Variants in ROBO2 observed in about 807,000 individuals in gnomAD.
ROBO2 encodes the protein roundabout homolog 2.
A neutral mutation model predicts 160.8 loss-of-function variants in ROBO2; 53 were observed. The observed-to-expected ratio is 0.33, with a 90% CI of 0.26 to 0.41. The LOEUF (loss-of-function observed/expected upper bound fraction) is 0.41, where lower values mean the gene tolerates loss of function less well. Ranked by LOEUF, ROBO2 falls within the 10% of genes least tolerant of loss-of-function variation. ROBO2 has a pLI of 1.00. For synonymous variants in ROBO2, 664 were observed against 611.7 expected (o/e 1.09, Z -1.26); for missense variants, 1,577 against 1,722.4 (o/e 0.92, Z 1.49).
Position 77,200,321 on chromosome 3 carries a change from A to ATTTT in ROBO2, c.388+101982_388+101985dup, listed in dbSNP as rs201851831. Among the ~76,000 whole-genome samples, 16 of 54,908 alleles carry ATTTT rather than the reference A, an allele frequency of 2.9e-4. No homozygotes were observed. The South Asian group carries it at 4.3e-3, about 15-fold the overall frequency. 36.0% of individuals were successfully genotyped at this position (54,908 alleles called of 152,430 possible). A position where few individuals can be genotyped will look rare whatever the true frequency, so the allele number is the denominator to read the frequency against. On this transcript the variant is annotated intron_variant, in intron 2 of 25. Coordinates refer to ENST00000461745, the Ensembl canonical transcript of ROBO2. ...TATATATATATATATATATATATAT[A>ATTTT]TTTTAGTTTCTATAGGTAAAGGGAA...
At chr3:77,005,546 T>A (rs1291581864) in intron 2 of ROBO2, among the ~76,000 whole-genome samples, 2 of 152,178 alleles carry the variant, frequency 1.3e-5, no homozygotes, top group Non-Finnish European at 2.9e-5. Flanking sequence ...GAAGTTTTAT[T>A]TAAAGTGGTG....
rs575637934 is a variant in ROBO2 at position 76,558,187 on chromosome 3, G to A, written c.110-539827G>A. Among the ~76,000 whole-genome samples the A allele has an allele frequency of 1.6e-4, 25 of 152,094 alleles. No individual in the cohort carries two copies. The South Asian group carries it at 4.6e-3, about 28-fold the overall frequency. ...TTTGGCAAGTGGAATTCATATTCCCGTGTGAACTGAAAATGATAAATAGTT... is the reference window on the plus strand; with the variant it reads ...TTTGGCAAGTGGAATTCATATTCCCATGTGAACTGAAAATGATAAATAGTT... On this transcript the variant is annotated intron_variant, in intron 2 of 26. Transcript: ENST00000487694.
intron 2 of ROBO2, among the ~76,000 whole-genome samples, chr3:76,525,642 AAG>A (rs1285726676): frequency 6.6e-6 from 1 of 151,996 alleles, no homozygotes; most frequent in Admixed American, 6.6e-5. Context: ...GCACTCAAAA[AAG>A]AGGTGCTTAA....
intron 2 of ROBO2, among the ~76,000 whole-genome samples, chr3:77,141,699 A>C (rs148227969): frequency 6.6e-6 from 1 of 152,340 alleles, no homozygotes; most frequent in Non-Finnish European, 1.5e-5. Context: ...GAGGAAGATT[A>C]AAAAGCAGTC....
At chr3:76,981,118 T>G (rs1269638360) in intron 2 of ROBO2, among the ~76,000 whole-genome samples, 1 of 152,232 alleles carries the variant, frequency 6.6e-6, no homozygotes, top group Non-Finnish European at 1.5e-5. Context: ...TTTGCACATT[T>G]AGACTATTAT....
At chr3:76,615,506 G>C (rs1219906638) in intron 2 of ROBO2, among the ~76,000 whole-genome samples, 5 of 152,096 alleles carry the variant, frequency 3.3e-5, no homozygotes, top group Admixed American at 1.3e-4. Flanking sequence ...TTGTTCTAAA[G>C]AAGTTTATGT....
At chr3:76,699,539 C>T (rs1006133542) in intron 2 of ROBO2, among the ~76,000 whole-genome samples, 7 of 152,132 alleles carry the variant, frequency 4.6e-5, no homozygotes, top group Admixed American at 6.6e-5. Context: ...CCTTCTAACC[C>T]GTGCCTTTGT....
Position 76,681,150 on chromosome 3 carries a change from CAATT to C in ROBO2, c.110-416860_110-416857del, listed in dbSNP as rs541631304. Among the ~76,000 whole-genome samples, 17 of 152,188 alleles carry C rather than the reference CAATT, an allele frequency of 1.1e-4. No individual in the cohort carries two copies. The South Asian group carries it at 3.3e-3, about 30-fold the overall frequency. ...AGTGAGCATATGAATACCACAAAGA[CAATT>C]AATCTAAAATCAAACTTTAATAAGA... On this transcript the variant is annotated intron_variant, in intron 2 of 26. Transcript: ENST00000487694.
chr3:76,037,559 C>T (rs1230994447), intron 2 of ROBO2, among the ~76,000 whole-genome samples: 1 of 151,924 alleles, frequency 6.6e-6, no homozygotes, highest in Non-Finnish European at 1.5e-5. Flanking sequence ...ACTATTTATG[C>T]ATTCTTCAAT....
Position 76,742,085 on chromosome 3 carries a change from A to G in ROBO2, c.110-355929A>G, listed in dbSNP as rs577680673. ...GTGAAAAATTTCATTATATACGAAGATTTGAATACCTTCATGAGAGTAGAA... is the reference window on the plus strand; with the variant it reads ...GTGAAAAATTTCATTATATACGAAGGTTTGAATACCTTCATGAGAGTAGAA... On this transcript the variant is annotated intron_variant, in intron 2 of 26. Coordinates refer to the ROBO2 transcript ENST00000487694. Among the ~76,000 whole-genome samples the G allele has an allele frequency of 2.6e-5, 4 of 152,246 alleles. No homozygotes were observed. The South Asian group carries it at 6.2e-4, about 24-fold the overall frequency.
chr3:77,244,105 A>G (rs574454883), intron 2 of ROBO2, among the ~76,000 whole-genome samples: 2 of 152,332 alleles, frequency 1.3e-5, no homozygotes, highest in South Asian at 2.1e-4. Flanking sequence ...GTAAGTGTTC[A>G]TGTTAGTTTG....
intron 2 of ROBO2, among the ~76,000 whole-genome samples, chr3:77,394,487 A>C (rs1485904356): frequency 6.6e-6 from 1 of 152,176 alleles, no homozygotes; most frequent in Admixed American, 6.6e-5. Flanking sequence ...ACTGACTGTT[A>C]AGAAGAAAGC....
chr3:76,756,662 T>G (rs894626359), intron 2 of ROBO2, among the ~76,000 whole-genome samples: 15 of 151,900 alleles, frequency 9.9e-5, no homozygotes, highest in Non-Finnish European at 1.5e-5. Context: ...TTTAATTATC[T>G]ATTTTTCTTA....
intron 2 of ROBO2, among the ~76,000 whole-genome samples, chr3:76,978,802 C>T (rs367805600): frequency 4.6e-5 from 7 of 151,902 alleles, no homozygotes; most frequent in Admixed American, 1.3e-4. Context: ...TATATGAATA[C>T]GATTTCCCAA....
rs1195053808 is a variant in ROBO2 at position 77,221,852 on chromosome 3, T to TCC, written c.388+123512_388+123513insCC. The stretch of plus-strand genomic sequence containing the variant: ...TTTCTTTTTTCTTTTCTTTTTCTTT[T>TCC]TCTTTTTTTTTTTTTTTTTGAGACA... On this transcript the variant is annotated intron_variant, in intron 2 of 25. Coordinates refer to ENST00000461745, the Ensembl canonical transcript of ROBO2. 4.0e-4 allele frequency among the ~76,000 whole-genome samples: 60 copies of TCC among 148,866 alleles called. 1 individual carries two copies. Among genetic ancestry groups the TCC allele is most frequent in the African/African-American group, 1.5e-3 (59 of 39,570 alleles).
At chr3:77,359,014 C>T (rs1453404411) in intron 2 of ROBO2, among the ~76,000 whole-genome samples, 1 of 152,190 alleles carries the variant, frequency 6.6e-6, no homozygotes, top group Non-Finnish European at 1.5e-5. Context: ...GACTGAAAGC[C>T]TTAACAGAAA....
intron 2 of ROBO2, among the ~76,000 whole-genome samples, chr3:76,560,543 A>T (rs1285481480): frequency 6.6e-6 from 1 of 151,058 alleles, no homozygotes; most frequent in East Asian, 1.9e-4. Flanking sequence ...ATTATTATTT[A>T]TTATTATCAT....
At chr3:77,517,335 G>T (rs541989925) in intron 5 of ROBO2, among the ~76,000 whole-genome samples, 44 of 151,484 alleles carry the variant, frequency 2.9e-4, no homozygotes, top group Middle Eastern at 3.4e-3. Flanking sequence ...CAAAGACACA[G>T]AACTGGCTTC....
intron 2 of ROBO2, among the ~76,000 whole-genome samples, chr3:77,327,848 G>C (rs1203984998): frequency 6.6e-6 from 1 of 152,006 alleles, no homozygotes. Context: ...TCAGGAGTTT[G>C]AGACTAGCCT....
Sources: allele counts gnomAD v4.1 joint callset (sites outside exome capture counted in the v4.1 genomes callset), GRCh38; gene constraint gnomAD v4.1.1; transcripts MANE v1.5; gene names NCBI Gene and HGNC (gene_info 2026-07-23, HGNC 2026-07-21).